Variants in TAB2 observed in about 807,000 individuals in gnomAD.
TAB2 encodes the protein TGF-beta-activated kinase 1 and MAP3K7-binding protein 2.
TAB2 carries 3 observed loss-of-function variants against 65.0 expected under a neutral mutation model. The observed-to-expected ratio is 0.05, with a 90% CI of 0.02 to 0.12. TAB2 has a LOEUF of 0.12. TAB2 is among the 10% of genes least tolerant of loss of function. TAB2 has a pLI of 1.00. For synonymous variants in TAB2, 298 were observed against 285.1 expected (o/e 1.05, Z -0.46); for missense variants, 623 against 840.3 (o/e 0.74, Z 3.20).
intron 1 of TAB2, among the ~76,000 whole-genome samples, chr6:149,326,388 A>G (rs1285139634): frequency 6.6e-6 from 1 of 152,148 alleles, no homozygotes; most frequent in Non-Finnish European, 1.5e-5. Flanking sequence ...GGTAATAAAT[A>G]TGCTTTAATC....
rs140306106 is a variant in TAB2, at chr6:149,222,604, C to T, written c.-121+3828C>T. The stretch of plus-strand genomic sequence containing the variant: ...CTGCACTCCAGCTTGGGCAACAGAG[C>T]GAGACTCTGTCTCAAAAAAAAAAAA... On this transcript the variant is annotated intron_variant, in intron 1 of 1. Transcript: ENST00000606202. 5.4e-3 allele frequency among the ~76,000 whole-genome samples: 772 copies of T among 142,072 alleles called. 9 individuals carry two copies. Among genetic ancestry groups the T allele is most frequent in the African/African-American group, 0.02 (742 of 36,926 alleles). The allele number at this position is 142,072 out of a possible 152,430, so 93.2% of individuals were successfully genotyped here.
At chr6:149,332,008 T>G (rs904280966) in intron 1 of TAB2, among the ~76,000 whole-genome samples, 2 of 152,148 alleles carry the variant, frequency 1.3e-5, no homozygotes, top group East Asian at 3.8e-4. Flanking sequence ...AAACTCTGTG[T>G]GGGAAGGAAT....
At chr6:149,330,032 C>T (rs1779736008) in intron 1 of TAB2, among the ~76,000 whole-genome samples, 1 of 152,088 alleles carries the variant, frequency 6.6e-6, no homozygotes, top group Non-Finnish European at 1.5e-5. Flanking sequence ...TTCTCTATCA[C>T]TATAATTGTC....
intron 3 of TAB2, among the ~76,000 whole-genome samples, chr6:149,395,944 C>G: frequency 6.6e-6 from 1 of 152,058 alleles, no homozygotes; most frequent in East Asian, 1.9e-4. Flanking sequence ...ACATTTTCAG[C>G]CAATATCTCT....
chr6:149,322,922 G>T (rs574653888), intron 1 of TAB2, among the ~76,000 whole-genome samples: 22 of 152,068 alleles, frequency 1.4e-4, no homozygotes, highest in Non-Finnish European at 2.5e-4. Flanking sequence ...GGGAAGAGTG[G>T]AATAACCATG....
At chr6:149,310,081 C>T (rs573984678) in intron 1 of TAB2, among the ~76,000 whole-genome samples, 76 of 119,622 alleles carry the variant, frequency 6.4e-4, no homozygotes, top group African/African-American at 2.6e-3. Flanking sequence ...CCTGAAATCC[C>T]GGCAATTTAG....
At chr6:149,242,164 A>G (rs1312725415) in intron 1 of TAB2, among the ~76,000 whole-genome samples, 2 of 152,220 alleles carry the variant, frequency 1.3e-5, no homozygotes, top group Admixed American at 1.3e-4. Context: ...TGTAAAGAAC[A>G]TGCCTAAACT....
At chr6:149,262,711 C>T (rs1443213289) in intron 1 of TAB2, among the ~76,000 whole-genome samples, 1 of 152,256 alleles carries the variant, frequency 6.6e-6, no homozygotes, top group East Asian at 1.9e-4. Flanking sequence ...TCTTCAACTC[C>T]CACCATGAGC....
At chr6:149,408,155 CA>C (rs11355432) in intron 6 of TAB2, among the ~76,000 whole-genome samples, 62,288 of 151,924 alleles carry the variant, frequency 0.41, 13,004 homozygotes, top group East Asian at 0.6. Flanking sequence ...GGTAAAAAGT[CA>C]AAAGTTTTTT....
chr6:149,385,587 G>T (rs929692467), intron 3 of TAB2, among the ~76,000 whole-genome samples: 2 of 152,140 alleles, frequency 1.3e-5, no homozygotes, highest in African/African-American at 4.8e-5. Context: ...CTACTTGTAG[G>T]TTCCTCCCAG....
intron 6 of TAB2, among the ~76,000 whole-genome samples, chr6:149,403,327 TATAC>T (rs1254812334): frequency 2.4e-4 from 14 of 57,954 alleles, no homozygotes; most frequent in Middle Eastern, 8.2e-3. Flanking sequence ...CACACATATA[TATAC>T]ATATATATAC....
chr6:149,399,377 T>C (rs1169086459), intron 6 of TAB2, among the ~76,000 whole-genome samples, 193 bp downstream of exon 6: 1 of 152,194 alleles, frequency 6.6e-6, no homozygotes, highest in African/African-American at 2.4e-5. Flanking sequence ...TGTAATATTC[T>C]TAGCTTTTTA....
chr6:149,266,325 C>A (rs909023679), intron 1 of TAB2, among the ~76,000 whole-genome samples: 1 of 152,146 alleles, frequency 6.6e-6, no homozygotes, highest in African/African-American at 2.4e-5. Flanking sequence ...GAGAAGTTGT[C>A]CTCGCCAGTG....
At chr6:149,373,278 C>A (rs1042036006) in intron 2 of TAB2, among the ~76,000 whole-genome samples, 6 of 152,124 alleles carry the variant, frequency 3.9e-5, no homozygotes, top group Non-Finnish European at 8.8e-5. Flanking sequence ...TTTTTAAATT[C>A]TCTTAACATG....
intron 6 of TAB2, among the ~76,000 whole-genome samples, chr6:149,403,266 A>T (rs1782518058): frequency 2.1e-5 from 1 of 46,704 alleles, no homozygotes; most frequent in Non-Finnish European, 3.7e-5. Context: ...ATATATATAT[A>T]TATATATATA....
intron 1 of TAB2, among the ~76,000 whole-genome samples, chr6:149,318,284 G>A (rs1329488788): frequency 2.0e-5 from 3 of 151,326 alleles, no homozygotes; most frequent in African/African-American, 4.8e-5. Context: ...GGGGGGGGAG[G>A]GGGAGCTTCA....
In TAB2 at chr6:149,411,230, A is replaced by C. The variant is rs1782848484; in HGVS notation, c.*1511A>C. On this transcript the variant is annotated 3_prime_UTR_variant, in exon 7 of 7. Coordinates refer to ENST00000637181, the MANE Select transcript of TAB2 (RefSeq NM_001292034.3). ...GTGCTGAAATAGAGCAAAGGATGGA[A>C]GATAATATAGACTACCACCCACTGT... is the stretch of plus-strand genomic sequence containing the variant. 6.6e-6 allele frequency: 1 copy of C among 152,522 alleles called. No homozygotes were observed. Among genetic ancestry groups the C allele is most frequent in the African/African-American group, 2.4e-5 (1 of 41,450 alleles). The allele number at this position is 152,522 out of a possible 1,614,324, so 9.4% of individuals were successfully genotyped here.
At chr6:149,304,364 A>G (rs1338360157) in intron 1 of TAB2, 2 of 153,274 alleles carry the variant, frequency 1.3e-5, no homozygotes, top group Non-Finnish European at 2.9e-5. Flanking sequence ...TCACATCTCC[A>G]TTTCTACTGA....
chr6:149,369,015 G>A (rs576833447), intron 1 of TAB2, among the ~76,000 whole-genome samples: 3 of 152,108 alleles, frequency 2.0e-5, no homozygotes, highest in African/African-American at 4.8e-5. Context: ...TTATGTTAAC[G>A]AGGTTAAAAA....
Sources: gnomAD v4.1 joint callset for allele counts (sites outside exome capture counted in the v4.1 genomes callset) on GRCh38, gnomAD v4.1.1 for gene constraint, MANE v1.5 for transcripts, NCBI Gene and HGNC (gene_info 2026-07-23, HGNC 2026-07-21) for gene names.